KIDINS220: variants seen among roughly 807,000 people sequenced by gnomAD.
The protein encoded by KIDINS220 is kinase D-interacting substrate of 220 kDa.
KIDINS220 carries 63 observed loss-of-function variants against 157.6 expected under a neutral mutation model. That is an observed-to-expected ratio of 0.40 (90% CI 0.33 to 0.49). The LOEUF (loss-of-function observed/expected upper bound fraction) is 0.49. Ranked by LOEUF, KIDINS220 falls within the 20% of genes least tolerant of loss-of-function variation. The pLI, the probability that KIDINS220 is intolerant of heterozygous loss-of-function variation, is 0.66. For missense variants in KIDINS220, 1,772 were observed against 2,171.2 expected (o/e 0.82, Z 3.65); for synonymous variants, 732 against 783.6 (o/e 0.93, Z 1.10).
chr2:8,811,814 C>A (rs919950200), intron 6 of KIDINS220, among the ~76,000 whole-genome samples: 2 of 151,806 alleles, frequency 1.3e-5, no homozygotes, highest in African/African-American at 4.8e-5. Context: ...GGGGTGCTTT[C>A]TGGAGGTGAT....
At position 8,812,480 on chromosome 2, in the gene KIDINS220, G is replaced by A; in HGVS notation, c.419C>T (p.Pro140Leu). The change falls in exon 6 of 30, where the codon CCA (proline) becomes CTA (leucine). Residue 140 changes from proline to leucine, a missense_variant. Transcript: ENST00000256707. ...PSVTGLYSVY[P>L]IIWAAGRGHA... ...GCCTCTCCCTGCTGCCCAAATGATTGGGTAAACACTGTACTGCTAGGATAG... is the reference window on the plus strand; with the variant it reads ...GCCTCTCCCTGCTGCCCAAATGATTAGGTAAACACTGTACTGCTAGGATAG... 6.3e-7 allele frequency: 1 copy of A among 1,592,298 alleles called. No homozygotes were observed.
chr2:8,789,454 A>AT (rs1672885424), intron 14 of KIDINS220, among the ~76,000 whole-genome samples: 2 of 151,874 alleles, frequency 1.3e-5, no homozygotes, highest in South Asian at 2.1e-4. Flanking sequence ...TGCCCGGCTA[A>AT]TTTTTTTGTA....
chr2:8,734,384 G>A (rs1316679903), intron 28 of KIDINS220, among the ~76,000 whole-genome samples: 3 of 152,214 alleles, frequency 2.0e-5, no homozygotes, highest in Admixed American at 6.5e-5. Context: ...TAAGGCAGGT[G>A]AAAGCATGAA....
chr2:8,793,874 G>A lies in KIDINS220; in HGVS notation c.1212C>T (p.Gly404=). ...TACAGTCAATATTATAAGGAGTCTC[G>A]CCTGCTTTGTTGGGCCTATAAAGTA... The part of the protein sequence containing the change: ...GRLLYRPNKA[G]ETPYNIDCSH... The change falls in exon 12 of 30, where the codon GGC becomes GGT. Residue 404 remains glycine, a synonymous_variant. Coordinates refer to ENST00000256707, the MANE Select transcript of KIDINS220 (RefSeq NM_020738.4). 2 of 1,613,648 alleles carry A rather than the reference G, an allele frequency of 1.2e-6. No homozygotes were observed. Among genetic ancestry groups the A allele is most frequent in the Non-Finnish European group, 1.7e-6 (2 of 1,179,844 alleles).
chr2:8,815,714 T>A (rs1190179618), intron 4 of KIDINS220, among the ~76,000 whole-genome samples: 2 of 152,096 alleles, frequency 1.3e-5, no homozygotes, highest in African/African-American at 4.8e-5. Context: ...GCCCCCTACA[T>A]AAGAACCTAT....
intron 9 of KIDINS220, chr2:8,800,092 CGACTCTCTCAGTATCACT>C (rs1204294258): frequency 3.9e-6 from 1 of 259,050 alleles, no homozygotes; most frequent in Non-Finnish European, 7.2e-6. Context: ...AAAGTGTCAC[CGACTCTCTCAGTATCACT>C]AACTACTCAT....
intron 17 of KIDINS220, among the ~76,000 whole-genome samples, chr2:8,784,126 C>T (rs753915441): frequency 6.0e-5 from 9 of 150,696 alleles, no homozygotes; most frequent in Non-Finnish European, 1.2e-4. Flanking sequence ...CTTTGACAAG[C>T]GGCAAAGGCA....
At chr2:8,832,408 G>A (rs755814331) in intron 1 of KIDINS220, among the ~76,000 whole-genome samples, 1 of 152,194 alleles carries the variant, frequency 6.6e-6, no homozygotes, top group East Asian at 1.9e-4. Context: ...ATCCACATCT[G>A]TTGATACACA....
chr2:8,749,431 A>G, intron 24 of KIDINS220: 1 of 456,248 alleles, frequency 2.2e-6, no homozygotes, highest in African/African-American at 2.0e-5. Flanking sequence ...CCTACAGGAA[A>G]TATTAGTGTT....
At position 8,790,998 on chromosome 2, in the gene KIDINS220, G is replaced by T. The variant is rs553473371; in HGVS notation, c.1441+62C>A. ...GAAAGTGGTCTTCCTCTTTATTTCAGAAAAATCCCCAGAGAAAACCTTGCT... is the reference window on the plus strand; with the variant it reads ...GAAAGTGGTCTTCCTCTTTATTTCATAAAAATCCCCAGAGAAAACCTTGCT... On this transcript the variant is annotated intron_variant, in intron 13 of 29. Coordinates refer to ENST00000256707, the MANE Select transcript of KIDINS220 (RefSeq NM_020738.4). 2.0e-3 allele frequency: 3,021 copies of T among 1,492,768 alleles called. 16 individuals carry two copies. Among genetic ancestry groups the T allele is most frequent in the Middle Eastern group, 0.013 (72 of 5,656 alleles). 92.5% of individuals were successfully genotyped at this position (1,492,768 alleles called of 1,614,324 possible).
intron 13 of KIDINS220, among the ~76,000 whole-genome samples, chr2:8,790,434 C>T (rs73149301): frequency 0.075 from 11,375 of 152,190 alleles, 1,447 homozygotes; most frequent in African/African-American, 0.26. Context: ...AAACTATACC[C>T]TATATCTTCA....
chr2:8,749,224 T>C, intron 24 of KIDINS220: 1 of 225,198 alleles, frequency 4.4e-6, no homozygotes, highest in Non-Finnish European at 9.1e-6. Flanking sequence ...TTTGTCACAT[T>C]TATCCTAAAT....
intron 28 of KIDINS220, among the ~76,000 whole-genome samples, chr2:8,733,896 T>C (rs1470828481): frequency 1.3e-5 from 2 of 152,182 alleles, no homozygotes; most frequent in African/African-American, 2.4e-5. Context: ...ACCATACATA[T>C]ACTACACTGC....
chr2:8,744,155 T>C (rs1350231934), intron 26 of KIDINS220, among the ~76,000 whole-genome samples: 1 of 145,104 alleles, frequency 6.9e-6, no homozygotes, highest in Non-Finnish European at 1.5e-5. Flanking sequence ...AATATAATTA[T>C]TTTATAATAT....
intron 1 of KIDINS220, among the ~76,000 whole-genome samples, chr2:8,836,958 G>T (rs1321129733): frequency 6.6e-6 from 1 of 152,134 alleles, no homozygotes; most frequent in Non-Finnish European, 1.5e-5. Context: ...TTGGAGGCGT[G>T]GAAATCAATG....
rs746469334 is a variant in KIDINS220 at position 8,796,647 on chromosome 2, A to G, written c.1098+124T>C. The G allele has an allele frequency of 2.2e-4, 172 of 771,254 alleles. 1 individual carries two copies. The highest frequency in any genetic ancestry group is 9.3e-4 in the Middle Eastern group (4 of 4,280). 47.8% of individuals were successfully genotyped at this position (771,254 alleles called of 1,614,324 possible). On this transcript the variant is annotated intron_variant, in intron 11 of 29. Coordinates refer to ENST00000256707, the MANE Select transcript of KIDINS220 (RefSeq NM_020738.4). ...TGTGTGGGATCCAAAGCCCACACAG[A>G]CATCCCCAGCAAGTCATCTCTCCCC...
Position 8,731,800 on chromosome 2 carries a change from T to C in KIDINS220, c.4236A>G (p.Pro1412=), listed in dbSNP as rs1664148222. The change falls in exon 30 of 30, where the codon CCA becomes CCG. Residue 1412 remains proline (P), a synonymous_variant. Coordinates refer to ENST00000256707, the MANE Select transcript of KIDINS220 (RefSeq NM_020738.4). This position sits in a 1 kb window ranked among gnomAD's most constrained non-coding sequence, Gnocchi z 5.2. ...GSTTISGRSS[P]HSTYYMGQSS... ...TCTGACCCATGTAATATGTGCTATG[T>C]GGAGAAGATCTGCCACTAATGGTTG... The C allele has an allele frequency of 2.5e-6, 4 of 1,614,058 alleles. No individual in the cohort carries two copies. Among genetic ancestry groups the C allele is most frequent in the African/African-American group, 2.7e-5 (2 of 74,918 alleles).
At chr2:8,723,129 A>C (rs1272319657), downstream of KIDINS220, 3 of 152,248 alleles carry the variant, frequency 2.0e-5, no homozygotes, top group Non-Finnish European at 4.4e-5. Flanking sequence ...GTGCTCACCG[A>C]AACGCTCCCC....
chr2:8,725,877 C>T (rs180863506), downstream of KIDINS220, among the ~76,000 whole-genome samples: 13 of 152,168 alleles, frequency 8.5e-5, no homozygotes, highest in Admixed American at 3.9e-4. Flanking sequence ...CTCAGAAAAA[C>T]GAAGAAAGGG....
Sources: allele counts gnomAD v4.1 joint callset (sites outside exome capture counted in the v4.1 genomes callset), GRCh38; gene constraint gnomAD v4.1.1; non-coding constraint Gnocchi (gnomAD v3.1); transcripts MANE v1.5; gene names NCBI Gene and HGNC (gene_info 2026-07-23, HGNC 2026-07-21).